Variants in MAGI1 observed in about 807,000 individuals in gnomAD.
MAGI1 encodes the protein membrane-associated guanylate kinase, WW and PDZ domain-containing protein 1.
In MAGI1, 58 loss-of-function variants were observed where a neutral mutation model predicts 139.9. The ratio of observed to expected loss-of-function variants is 0.41; its 90% confidence interval spans 0.34 to 0.52. The LOEUF is 0.52. Ranked by LOEUF, MAGI1 falls within the 20% of genes least tolerant of loss-of-function variation. MAGI1 has a pLI of 0.12. For synonymous variants in MAGI1, 812 were observed against 737.9 expected, an observed-to-expected ratio of 1.10 and a Z score of -1.63; for missense variants, 1,874 against 1,901.6, an observed-to-expected ratio of 0.99 and a Z score of 0.27.
chr3:65,554,714 T>C (rs1028592699), intron 2 of MAGI1, among the ~76,000 whole-genome samples: 1 of 152,196 alleles, frequency 6.6e-6, no homozygotes, highest in Non-Finnish European at 1.5e-5. Flanking sequence ...CTTCATGAAA[T>C]CTTTCTAGCA....
At chr3:65,581,239 C>A (rs1003047920) in intron 2 of MAGI1, among the ~76,000 whole-genome samples, 2 of 151,932 alleles carry the variant, frequency 1.3e-5, no homozygotes, top group African/African-American at 4.8e-5. Flanking sequence ...GGGGGCAGCA[C>A]AAAGGACTTT....
chr3:65,924,443 T>A (rs2062392427), intron 1 of MAGI1, among the ~76,000 whole-genome samples: 1 of 152,176 alleles, frequency 6.6e-6, no homozygotes, highest in African/African-American at 2.4e-5. Flanking sequence ...ATTTCTAGCA[T>A]CAAACCAAGC....
intron 5 of MAGI1, among the ~76,000 whole-genome samples, chr3:65,455,790 C>T (rs1198738923): frequency 6.6e-6 from 1 of 152,080 alleles, no homozygotes; most frequent in Non-Finnish European, 1.5e-5. Flanking sequence ...TAAATGGAAT[C>T]ATTGTATGTC....
At chr3:65,694,243 T>C (rs1487001054) in intron 1 of MAGI1, among the ~76,000 whole-genome samples, 1 of 152,186 alleles carries the variant, frequency 6.6e-6, no homozygotes, top group African/African-American at 2.4e-5. Flanking sequence ...CCATAGCAGC[T>C]GTGGTTATTA....
chr3:65,763,769 T>A (rs573253825), intron 1 of MAGI1, among the ~76,000 whole-genome samples: 3 of 148,970 alleles, frequency 2.0e-5, no homozygotes, highest in Admixed American at 6.7e-5. Flanking sequence ...AAAAAAGAAA[T>A]AAATAAAAGA....
chr3:65,928,668 T>G (rs2062643584), intron 1 of MAGI1, among the ~76,000 whole-genome samples: 1 of 152,198 alleles, frequency 6.6e-6, no homozygotes, highest in Admixed American at 6.5e-5. Flanking sequence ...TTAAGTCTAA[T>G]TTCCACGGTT....
Position 65,437,240 on chromosome 3 carries a change from T to C in MAGI1, c.1278A>G (p.Thr426=). 6.2e-7 allele frequency: 1 copy of C among 1,605,156 alleles called. No homozygotes were observed. Among genetic ancestry groups the C allele is most frequent in the Non-Finnish European group, 8.5e-7 (1 of 1,172,668 alleles). The change falls in exon 10 of 23, where the codon ACA becomes ACG. Residue 426 remains threonine, a synonymous_variant. Transcript: ENST00000402939. ...GAGGCACAAGGGCTGAGTGATCTTCTGTCCATTCTATGAAAAAGAAAAGAA... is the reference window on the plus strand; with the variant it reads ...GAGGCACAAGGGCTGAGTGATCTTCCGTCCATTCTATGAAAAAGAAAAGAA... The part of the protein sequence containing the change: ...QQQQQQTEEW[T]EDHSALVPPV...
chr3:65,962,294 T>C (rs940475500), intron 1 of MAGI1, among the ~76,000 whole-genome samples: 7 of 151,720 alleles, frequency 4.6e-5, no homozygotes. Flanking sequence ...AATTTTTTTT[T>C]GTATTTTTAG....
In MAGI1 at chr3:65,478,630, T is replaced by C; in HGVS notation, c.719A>G (p.Glu240Gly). Residue 240 changes from glutamate to glycine, a missense_variant, in exon 4 of 23, where the codon GAG (glutamate) becomes GGG (glycine). Glu to Gly is a moderately conservative substitution (Grantham distance 98). Around this residue, in one of 5 missense-constraint regions of MAGI1, gnomAD observed 648 missense variants for 598.1 expected, o/e 1.08. Coordinates refer to ENST00000402939, the MANE Select transcript of MAGI1 (RefSeq NM_001033057.2). ...NAGIVHAENE[E>G]EDDVPEMNSS... is the part of the protein sequence containing the mutation. Reference sequence around the variant, plus strand: ...GTTCATTTCAGGAACGTCATCCTCCTCCTCATTCTCCGCGTGGACTATGCC... The same window carrying C: ...GTTCATTTCAGGAACGTCATCCTCCCCCTCATTCTCCGCGTGGACTATGCC... The C allele has an allele frequency of 6.2e-7, 1 of 1,614,046 alleles. No individual in the cohort carries two copies. The highest frequency in any genetic ancestry group is 1.1e-5 in the South Asian group (1 of 91,084).
At chr3:65,359,436 G>GT (rs1940562056) in intron 22 of MAGI1, 3 of 1,182,648 alleles carry the variant, frequency 2.5e-6, no homozygotes, top group Non-Finnish European at 2.1e-6. Context: ...GTTTTGTTTT[G>GT]TTTTTTCAAA....
intron 2 of MAGI1, among the ~76,000 whole-genome samples, chr3:65,606,788 G>A (rs1281074995): frequency 6.6e-6 from 1 of 152,150 alleles, no homozygotes; most frequent in Non-Finnish European, 1.5e-5. Context: ...AAAGTGCTGG[G>A]ATGACAGGTG....
Position 65,455,233 on chromosome 3 carries a change from G to A in MAGI1, c.960-1893C>T, listed in dbSNP as rs916174208. ...ACATCCTGCAAAACTATAGTATACC[G>A]TGACAACTAGGATACTGATACTGAC... is the stretch of plus-strand genomic sequence containing the variant. On this transcript the variant is annotated intron_variant, in intron 5 of 22. Transcript: ENST00000402939. Among the ~76,000 whole-genome samples, 11 of 152,160 alleles carry A rather than the reference G, an allele frequency of 7.2e-5. No homozygotes were observed. The East Asian group carries it at 9.6e-4, about 13-fold the overall frequency.
At chr3:65,792,030 C>CTATA (rs1456522607) in intron 1 of MAGI1, among the ~76,000 whole-genome samples, 1 of 150,478 alleles carries the variant, frequency 6.6e-6, no homozygotes, top group African/African-American at 2.4e-5. Flanking sequence ...TATTTTTTTT[C>CTATA]TATACATACA....
chr3:65,819,875 C>CAAAAAAAAAAAAAAAAAA (rs3077818), intron 1 of MAGI1, among the ~76,000 whole-genome samples: 739 of 33,418 alleles, frequency 0.022, 133 homozygotes, highest in Non-Finnish European at 0.034. Flanking sequence ...GACTCCATCT[C>CAAAAAAAAAAAAAAAAAA]AAAAAAAAAA....
chr3:65,821,084 T>C (rs914373120), intron 1 of MAGI1, among the ~76,000 whole-genome samples: 2 of 152,012 alleles, frequency 1.3e-5, no homozygotes, highest in African/African-American at 2.4e-5. Context: ...TAGGAGGCTC[T>C]TGGGGGAAGA....
chr3:65,533,974 A>C (rs2078832336), intron 2 of MAGI1, among the ~76,000 whole-genome samples: 1 of 152,212 alleles, frequency 6.6e-6, no homozygotes, highest in Non-Finnish European at 1.5e-5. Context: ...TTAGAGGTGG[A>C]TTCTCTGGCC....
intron 1 of MAGI1, among the ~76,000 whole-genome samples, chr3:65,990,205 G>A (rs150238895): frequency 1.6e-3 from 249 of 152,174 alleles, no homozygotes; most frequent in African/African-American, 5.8e-3. Flanking sequence ...AAGTCACCAC[G>A]GCAAGGTGCG....
intron 1 of MAGI1, among the ~76,000 whole-genome samples, chr3:65,730,547 G>C (rs1335639117): frequency 6.6e-6 from 1 of 152,204 alleles, no homozygotes; most frequent in Admixed American, 6.5e-5. Context: ...CCAGTCACTG[G>C]TGTGGCAGAA....
intron 2 of MAGI1, chr3:65,532,736 G>C (rs994998047): frequency 6.6e-6 from 1 of 152,194 alleles, no homozygotes; most frequent in Non-Finnish European, 1.5e-5. Context: ...TGCATCATCA[G>C]CTCTAGGTTA....
Sources: gnomAD v4.1 joint callset for allele counts (sites outside exome capture counted in the v4.1 genomes callset) on GRCh38, gnomAD v4.1.1 for gene constraint, gnomAD v4.1.1 regional missense constraint, MANE v1.5 for transcripts, NCBI Gene and HGNC (gene_info 2026-07-23, HGNC 2026-07-21) for gene names.